DACH2: variants seen among roughly 807,000 people sequenced by gnomAD.
DACH2 encodes the protein dachshund family transcription factor 2, also known as dachshund homolog 2.
In DACH2, 17 loss-of-function variants were observed where a neutral mutation model predicts 35.8. The observed-to-expected ratio is 0.48, with a 90% CI of 0.33 to 0.71. The LOEUF (loss-of-function observed/expected upper bound fraction) is 0.71, where lower values mean the gene tolerates loss of function less well. Ranked by LOEUF, DACH2 falls within the 30% of genes least tolerant of loss-of-function variation. The probability of loss-of-function intolerance (pLI) is 0.02; values close to 1 mark genes in which losing one functional copy is unlikely to be tolerated. For synonymous variants in DACH2, 195 were observed against 177.3 expected, an observed-to-expected ratio of 1.10 and a Z score of -0.79; for missense variants, 469 against 472.7, an observed-to-expected ratio of 0.99 and a Z score of 0.07.
At chrX:86,610,235 G>A (rs1018203866) in intron 3 of DACH2, among the ~76,000 whole-genome samples, 8 of 111,019 alleles carry the variant, frequency 7.2e-5, no homozygotes, top group African/African-American at 9.8e-5. Flanking sequence ...TGTGGCCACA[G>A]CTACCTCAGC....
chrX:86,238,880 C>G (rs938388555), intron 1 of DACH2, among the ~76,000 whole-genome samples: 1 of 110,796 alleles, frequency 9.0e-6, no homozygotes. Context: ...TTAAAAATAT[C>G]AATATTGTTC....
chrX:86,451,113 T>C (rs1352286870), intron 2 of DACH2, among the ~76,000 whole-genome samples: 1 of 111,913 alleles, frequency 8.9e-6, no homozygotes, highest in Non-Finnish European at 1.9e-5. Flanking sequence ...GCAATTGCTT[T>C]TGGTGTTTTT....
At chrX:86,455,435 T>C (rs779976124) in intron 2 of DACH2, among the ~76,000 whole-genome samples, 3 of 111,594 alleles carry the variant, frequency 2.7e-5, no homozygotes, top group Admixed American at 1.9e-4. Flanking sequence ...CCCCCGAAAC[T>C]CTGTCCCAGG....
chrX:86,694,273 T>A (rs1213746837), intron 4 of DACH2, among the ~76,000 whole-genome samples: 5 of 112,510 alleles, frequency 4.4e-5, no homozygotes, highest in African/African-American at 1.3e-4. Context: ...TACTCCCCTG[T>A]TTAAAGTATT....
At chrX:86,260,066 CA>C (rs1569319912) in intron 1 of DACH2, among the ~76,000 whole-genome samples, 1 of 110,427 alleles carries the variant, frequency 9.1e-6, no homozygotes, top group African/African-American at 3.3e-5. Context: ...CAAGATATTT[CA>C]AAAAAATCTA....
chrX:86,283,303 A>G (rs920640840), intron 1 of DACH2, among the ~76,000 whole-genome samples: 2 of 111,588 alleles, frequency 1.8e-5, no homozygotes, highest in Non-Finnish European at 3.8e-5. Context: ...TAATTCAACC[A>G]TTGTGGAAGA....
At chrX:86,256,796 C>A (rs2033528593) in intron 1 of DACH2, among the ~76,000 whole-genome samples, 2 of 111,099 alleles carry the variant, frequency 1.8e-5, no homozygotes, top group Non-Finnish European at 1.9e-5. Flanking sequence ...TTGAGAACTG[C>A]CTATTTAAGG....
rs2147852231 is a variant in DACH2, at chrX:86,148,521, G to T, written c.-100G>T. On this transcript the variant is annotated 5_prime_UTR_variant, in exon 1 of 12. Coordinates refer to ENST00000373125, the MANE Select transcript of DACH2 (RefSeq NM_053281.3). ...AACAGTTCGGAGCCAGCGAGAGCGCGCCAGAGAGAGCGAGAGTGAGGGAGT... is the reference window on the plus strand; with the variant it reads ...AACAGTTCGGAGCCAGCGAGAGCGCTCCAGAGAGAGCGAGAGTGAGGGAGT... 1 of 968,327 alleles carries T rather than the reference G, an allele frequency of 1.0e-6. No homozygotes were observed. Among genetic ancestry groups the T allele is most frequent in the South Asian group, 2.5e-5 (1 of 39,529 alleles). The allele number at this position is 968,327 out of a possible 1,213,427, so 79.8% of individuals were successfully genotyped here. A position where few individuals can be genotyped will look rare whatever the true frequency, so the allele number is the denominator to read the frequency against.
intron 6 of DACH2, among the ~76,000 whole-genome samples, chrX:86,732,143 A>T (rs1438574093): frequency 8.9e-6 from 1 of 111,817 alleles, no homozygotes; most frequent in Non-Finnish European, 1.9e-5. Flanking sequence ...AATAGGGTGA[A>T]TGGAAGGTCT....
intron 4 of DACH2, among the ~76,000 whole-genome samples, chrX:86,653,662 CCTTT>C (rs1384953517): frequency 1.1e-5 from 1 of 91,018 alleles, no homozygotes; most frequent in African/African-American, 4.0e-5. Flanking sequence ...GATATAAAAT[CCTTT>C]TTTTTTTTTT....
chrX:86,362,898 A>C (rs2035757736), intron 1 of DACH2, among the ~76,000 whole-genome samples: 1 of 111,024 alleles, frequency 9.0e-6, no homozygotes, highest in Admixed American at 9.7e-5. Flanking sequence ...TAGATATCAT[A>C]ATAATAGCTT....
intron 2 of DACH2, among the ~76,000 whole-genome samples, chrX:86,431,279 C>T (rs1051297473): frequency 1.8e-5 from 2 of 111,127 alleles, no homozygotes; most frequent in African/African-American, 6.5e-5. Flanking sequence ...ATTATTTAGT[C>T]GAATTGGTTT....
intron 6 of DACH2, among the ~76,000 whole-genome samples, chrX:86,727,772 A>G (rs1230516371): frequency 9.0e-6 from 1 of 111,675 alleles, no homozygotes. Context: ...GGCCTCCCCA[A>G]AGCAGATGCC....
intron 4 of DACH2, among the ~76,000 whole-genome samples, chrX:86,669,829 A>T (rs56335718): frequency 0.24 from 26,320 of 110,424 alleles, 2,572 homozygotes; most frequent in Admixed American, 0.45. Context: ...TCACACTGCC[A>T]AGCAGTAGAG....
chrX:86,701,917 T>G (rs2041148824), intron 5 of DACH2, among the ~76,000 whole-genome samples: 1 of 111,608 alleles, frequency 9.0e-6, no homozygotes, highest in South Asian at 3.7e-4. Context: ...TATTGGGTAC[T>G]ATGCTTATTA....
intron 2 of DACH2, among the ~76,000 whole-genome samples, chrX:86,489,664 A>T (rs1407602875): frequency 1.8e-5 from 2 of 111,679 alleles, no homozygotes; most frequent in Non-Finnish European, 3.8e-5. Flanking sequence ...AAATAAAAAG[A>T]TTATAAATGA....
intron 7 of DACH2, among the ~76,000 whole-genome samples, chrX:86,789,450 G>A (rs890287993): frequency 1.4e-4 from 16 of 111,824 alleles, no homozygotes; most frequent in African/African-American, 5.2e-4. Flanking sequence ...AACCCAAAAG[G>A]TTGCATCTGG....
chrX:86,467,696 G>A (rs1312747210), intron 2 of DACH2, among the ~76,000 whole-genome samples: 15 of 111,417 alleles, frequency 1.3e-4, no homozygotes, highest in Non-Finnish European at 2.4e-4. Flanking sequence ...ACATACCCAA[G>A]CCTGAGTAAT....
At chrX:86,610,450 TTCTTTC>T in intron 3 of DACH2, among the ~76,000 whole-genome samples, 1 of 98,946 alleles carries the variant, frequency 1.0e-5, no homozygotes, top group Non-Finnish European at 2.0e-5. Context: ...TTCTTTCTTT[TTCTTTC>T]GACAGGGTCT....
Sources: gnomAD v4.1 joint callset for allele counts (sites outside exome capture counted in the v4.1 genomes callset) on GRCh38, gnomAD v4.1.1 for gene constraint, MANE v1.5 for transcripts, NCBI Gene and HGNC (gene_info 2026-07-23, HGNC 2026-07-21) for gene names.